Variants in PHB2 observed in about 807,000 individuals in gnomAD.
PHB2 encodes the protein prohibitin-2.
A neutral mutation model predicts 46.4 loss-of-function variants in PHB2; 22 were observed. The observed-to-expected ratio is 0.47, with a 90% CI of 0.34 to 0.68. The LOEUF is 0.68. PHB2 is among the 30% of genes least tolerant of loss of function. The pLI is 0.01. For synonymous variants in PHB2, 156 were observed against 150.5 expected, an observed-to-expected ratio of 1.04 and a Z score of -0.27; for missense variants, 305 against 382.8, an observed-to-expected ratio of 0.80 and a Z score of 1.70.
rs1555151904 is a variant in PHB2, at chr12:6,970,435, G to A, written c.109C>T (p.Arg37Cys). Residue 37 changes from arginine to cysteine, a missense_variant, in exon 1 of 10, where the codon CGC becomes TGC. Physicochemically the swap from Arg to Cys is radical, Grantham distance 180. Transcript: ENST00000535923. ...TGCTCACCGGTGAACACAGATTCGC[G>A]CACACCGTAGGCCACGGCGCCGGCC... ...LGAGAVAYGV[R>C]ESVFTVEGGH... The A allele has an allele frequency of 6.2e-7, 1 of 1,603,792 alleles. No individual in the cohort carries two copies. Among genetic ancestry groups the A allele is most frequent in the Non-Finnish European group, 8.5e-7 (1 of 1,179,620 alleles).
chr12:6,967,561 G>T lies in PHB2; in HGVS notation c.711+115C>A. On this transcript the variant is annotated intron_variant, in intron 6 of 9. Coordinates refer to ENST00000535923, the MANE Select transcript of PHB2 (RefSeq NM_001144831.2). This position sits in a 1 kb window ranked among gnomAD's most constrained non-coding sequence, Gnocchi z 4.9. ...GTCCCCACCCCCAACAAGGAGCCAA[G>T]GGCCAGAGAGCACGGAGTCGCATTC... 1 of 980,246 alleles carries T rather than the reference G, an allele frequency of 1.0e-6. No individual in the cohort carries two copies. Among genetic ancestry groups the T allele is most frequent in the Non-Finnish European group, 1.6e-6 (1 of 610,798 alleles). The allele number at this position is 980,246 out of a possible 1,614,324, so 60.7% of individuals were successfully genotyped here.
intron 2 of PHB2, 118 bp from the exon 3 acceptor site, chr12:6,969,695 T>A (rs1946283683): frequency 1.6e-6 from 1 of 628,130 alleles, no homozygotes; most frequent in Non-Finnish European, 2.9e-6. Flanking sequence ...AGGTCAGGAG[T>A]TCGAGACCAG....
At chr12:6,968,866 G>A (rs1946261892) in intron 3 of PHB2, among the ~76,000 whole-genome samples, 1 of 152,176 alleles carries the variant, frequency 6.6e-6, no homozygotes, top group Non-Finnish European at 1.5e-5. Context: ...TCTAACGTGG[G>A]CGCTTTCGTG....
chr12:6,970,317 GC>G (rs1555151846), intron 1 of PHB2, 37 bp from the exon 2 acceptor site: 2 of 1,607,922 alleles, frequency 1.2e-6, no homozygotes, highest in Non-Finnish European at 1.7e-6. Context: ...CCAGGCCGCT[GC>G]TCAGAGGAAA....
intron 3 of PHB2, 65 bp downstream of exon 3, chr12:6,969,433 G>C: frequency 1.2e-6 from 1 of 842,826 alleles, no homozygotes; most frequent in Non-Finnish European, 1.9e-6. Context: ...ATATTCCCCT[G>C]GGGTTTCTTG....
chr12:6,967,507 T>C lies in PHB2; in HGVS notation c.711+169A>G, dbSNP rs1565589832. On this transcript the variant is annotated intron_variant, in intron 6 of 9. Coordinates refer to ENST00000535923, the MANE Select transcript of PHB2 (RefSeq NM_001144831.2). This position sits in a 1 kb window ranked among gnomAD's most constrained non-coding sequence, Gnocchi z 4.9. ...CAGTGGGGAGTCATGGCTCAGGTAC[T>C]ACCACTAAGATTTCAGATCTCATCT... 2 of 905,408 alleles carry C rather than the reference T, an allele frequency of 2.2e-6. No individual in the cohort carries two copies. The highest frequency in any genetic ancestry group is 1.3e-5 in the South Asian group (1 of 76,372). The allele number at this position is 905,408 out of a possible 1,614,324, so 56.1% of individuals were successfully genotyped here.
chr12:6,969,863 C>G, intron 2 of PHB2: 1 of 541,386 alleles, frequency 1.8e-6, no homozygotes, highest in Non-Finnish European at 3.4e-6. Context: ...CGCGCCACTG[C>G]ACTCCAGCCT....
chr12:6,968,372 G>C, intron 4 of PHB2, 39 bp downstream of exon 4: 2 of 1,483,172 alleles, frequency 1.3e-6, no homozygotes, highest in Middle Eastern at 2.0e-4. Flanking sequence ...GCCTAGGAAG[G>C]AAAGGCTGAC....
chr12:6,967,775 C>A lies in PHB2; in HGVS notation c.612G>T (p.Gln204His). The change falls in exon 6 of 10, where the codon CAG becomes CAT. Residue 204 changes from glutamine (Q) to histidine (H), a missense_variant. Physicochemically the swap from Gln to His is conservative, Grantham distance 24 (BLOSUM62 0). Transcript: ENST00000535923. The surrounding 1 kb of genome is among the most constrained non-coding windows in gnomAD (Gnocchi z 4.9). ...TAAVEAKQVA[Q>H]QEAQRAQFLV... is the part of the protein sequence containing the mutation. ...AGAATTGGGCCCGCTGGGCCTCCTG[C>A]TGGGCTGTGGTGGGAGAGAGTCAGG... The A allele has an allele frequency of 6.2e-7, 1 of 1,613,614 alleles. No homozygotes were observed. Among genetic ancestry groups the A allele is most frequent in the Non-Finnish European group, 8.5e-7 (1 of 1,179,678 alleles).
rs1253396645 is a variant in PHB2 at position 6,966,893 on chromosome 12, C to G, written c.789+278G>C. Among the ~76,000 whole-genome samples, 3 of 152,294 alleles carry G rather than the reference C, an allele frequency of 2.0e-5. No individual in the cohort carries two copies. In the East Asian group the frequency reaches 5.8e-4, roughly 29 times the overall value. ...CTGCGTAGCTGGGAATATAGCTAAA[C>G]GCCACCACAGCGGGCTCATTATCTT... On this transcript the variant is annotated intron_variant, in intron 7 of 9. Transcript: ENST00000535923.
chr12:6,967,487 G>C lies in PHB2; in HGVS notation c.711+189C>G. ...ATGCTATTGATCTGGCCTTACAGTG[G>C]GGAGTCATGGCTCAGGTACTACCAC... On this transcript the variant is annotated intron_variant, in intron 6 of 9. Coordinates refer to ENST00000535923, the MANE Select transcript of PHB2 (RefSeq NM_001144831.2). The surrounding 1 kb of genome is among the most constrained non-coding windows in gnomAD (Gnocchi z 4.9). 1 of 954,370 alleles carries C rather than the reference G, an allele frequency of 1.0e-6. No individual in the cohort carries two copies. Among genetic ancestry groups the C allele is most frequent in the Non-Finnish European group, 1.7e-6 (1 of 590,324 alleles). The allele number at this position is 954,370 out of a possible 1,614,324, so 59.1% of individuals were successfully genotyped here.
rs79283673 is a variant in PHB2 at position 6,966,638 on chromosome 12, C to T, written c.790-138G>A. On this transcript the variant is annotated intron_variant, in intron 7 of 9. Coordinates refer to ENST00000535923, the MANE Select transcript of PHB2 (RefSeq NM_001144831.2). The stretch of plus-strand genomic sequence containing the variant: ...AGCAATGAGTAACACATGGTTTCTG[C>T]TCGCACTTAGGGATCCAGAGCGCTG... The T allele has an allele frequency of 8.1e-4, 549 of 680,428 alleles. No homozygotes were observed. The African/African-American group carries it at 8.7e-3, about 11-fold the overall frequency. 42.1% of individuals were successfully genotyped at this position (680,428 alleles called of 1,614,324 possible).
At chr12:6,969,361 G>C (rs1325009217) in intron 3 of PHB2, 137 bp downstream of exon 3, 1 of 521,642 alleles carries the variant, frequency 1.9e-6, no homozygotes, top group African/African-American at 1.9e-5. Context: ...GACCCCAGGA[G>C]GCAGGTATTT....
Position 6,969,580 on chromosome 12 carries a change from G to C in PHB2, c.213-3C>G, listed in dbSNP as rs373964454. ...TGGGGTACTGGAACCAAGGGATCCT[G>C]GAGAGGACAGGGATAGGTATTAAGA... is the stretch of plus-strand genomic sequence containing the variant. On this transcript the variant is annotated splice_polypyrimidine_tract_variant and splice_region_variant and intron_variant, in intron 2 of 9. Transcript: ENST00000535923. 1 of 1,589,068 alleles carries C rather than the reference G, an allele frequency of 6.3e-7. No individual in the cohort carries two copies. The highest frequency in any genetic ancestry group is 8.6e-7 in the Non-Finnish European group (1 of 1,158,270).
At chr12:6,970,142 T>A in intron 2 of PHB2, 54 bp downstream of exon 2, 1 of 1,305,180 alleles carries the variant, frequency 7.7e-7, no homozygotes, top group South Asian at 1.2e-5. Flanking sequence ...TAGCCACTGC[T>A]GGGTCGGCGT....
chr12:6,968,041 G>A lies in PHB2; in HGVS notation c.478-20C>T. 1 of 1,576,362 alleles carries A rather than the reference G, an allele frequency of 6.3e-7. No individual in the cohort carries two copies. On this transcript the variant is annotated intron_variant, in intron 4 of 9. Coordinates refer to ENST00000535923, the MANE Select transcript of PHB2 (RefSeq NM_001144831.2). Reference sequence around the variant, plus strand: ...GGATACCTGAGGGCAGGGGTGAAGAGGGGAAGGGAGGGGTGGTTTGAGGGG... The same window carrying A: ...GGATACCTGAGGGCAGGGGTGAAGAAGGGAAGGGAGGGGTGGTTTGAGGGG...
Position 6,968,447 on chromosome 12 carries a change from C to G in PHB2, c.441G>C (p.Lys147Asn). ...VNEVLKSVVA[K>N]FNASQLITQR... ...GGGTGATCAGCTGTGAGGCATTGAACTTGGCCACCACACTCTTGAGCACCT... is the reference window on the plus strand; with the variant it reads ...GGGTGATCAGCTGTGAGGCATTGAAGTTGGCCACCACACTCTTGAGCACCT... The change falls in exon 4 of 10, where the codon AAG (lysine) becomes AAC (asparagine). Residue 147 changes from lysine to asparagine, a missense_variant. By Grantham distance (94) the Lys-to-Asn change is moderately conservative. Coordinates refer to ENST00000535923, the MANE Select transcript of PHB2 (RefSeq NM_001144831.2). The G allele has an allele frequency of 6.2e-7, 1 of 1,612,612 alleles. No individual in the cohort carries two copies. Among genetic ancestry groups the G allele is most frequent in the Non-Finnish European group, 8.5e-7 (1 of 1,179,382 alleles).
In PHB2 at chr12:6,970,553, T is replaced by C. The variant is rs376534055; in HGVS notation, c.-10A>G. On this transcript the variant is annotated 5_prime_UTR_variant, in exon 1 of 10. Transcript: ENST00000535923. ...TCAAGTTCTGGGCCATGTCTGATCT[T>C]GAGGCCGGCGGCACTGGAGGTCAGA... The C allele has an allele frequency of 3.3e-5, 52 of 1,586,392 alleles. No homozygotes were observed. In the African/African-American group the frequency reaches 6.4e-4, roughly 20 times the overall value.
intron 3 of PHB2, 45 bp from the exon 4 acceptor site, chr12:6,968,640 T>G (rs1555151340): frequency 6.6e-7 from 1 of 1,506,230 alleles, no homozygotes; most frequent in South Asian, 1.2e-5. Flanking sequence ...AAACACCCTT[T>G]CCCAAGCATT....
Sources: gnomAD v4.1 joint callset for allele counts (sites outside exome capture counted in the v4.1 genomes callset) on GRCh38, gnomAD v4.1.1 for gene constraint, Gnocchi (gnomAD v3.1) non-coding constraint, MANE v1.5 for transcripts, NCBI Gene and HGNC (gene_info 2026-07-23, HGNC 2026-07-21) for gene names.